The following ZNF419 variants were observed in gnomAD, a reference collection of about 807,000 sequenced individuals.
The protein encoded by ZNF419 is zinc finger protein 419A.
In ZNF419, 8 loss-of-function variants were observed where a neutral mutation model predicts 14.9. The ratio of observed to expected loss-of-function variants is 0.54; its 90% CI spans 0.32 to 0.97. The LOEUF (loss-of-function observed/expected upper bound fraction) is 0.97. Ranked by LOEUF, ZNF419 falls within the 50% of genes least tolerant of loss-of-function variation. ZNF419 has a pLI of 0.04. For synonymous variants in ZNF419, 211 were observed against 205.3 expected, an observed-to-expected ratio of 1.03 and a Z score of -0.24; for missense variants, 595 against 607.2, an observed-to-expected ratio of 0.98 and a Z score of 0.21.
At chr19:57,491,987 A>T (rs1419540124) in intron 3 of ZNF419, 126 bp from the exon 4 acceptor site, 1 of 747,116 alleles carries the variant, frequency 1.3e-6, no homozygotes, top group South Asian at 1.7e-5. Context: ...TTGCTGTTTG[A>T]CTGTGTTGTT....
In ZNF419 at chr19:57,494,019, T is replaced by C. The variant is rs377064712; in HGVS notation, c.1462T>C (p.Cys488Arg). Residue 488 changes from cysteine to arginine, a missense_variant, in exon 5 of 5, where the codon TGT becomes CGT. Physicochemically the swap from Cys to Arg is radical, Grantham distance 180. Coordinates refer to ENST00000221735, the MANE Select transcript of ZNF419 (RefSeq NM_024691.4). Reference sequence around the variant, plus strand: ...AGCAAAGCCTTATGAGTGCAGGGAATGTGGGAAGTTTTTTCGCCACAACTC... The same window carrying C: ...AGCAAAGCCTTATGAGTGCAGGGAACGTGGGAAGTTTTTTCGCCACAACTC... Reference protein sequence around the residue: ...TGAKPYECRECGKFFRHNSSL... With the variant: ...TGAKPYECRERGKFFRHNSSL... 4.5e-5 allele frequency: 73 copies of C among 1,613,426 alleles called. No individual in the cohort carries two copies. In the Middle Eastern group the frequency reaches 1.5e-3, roughly 33 times the overall value.
intron 1 of ZNF419, chr19:57,489,925 T>C (rs140919235): frequency 0.02 from 10,956 of 558,770 alleles, 164 homozygotes; most frequent in Non-Finnish European, 0.028. Context: ...AATCGTCCTA[T>C]TGAGTAAATA....
rs2089447470 is a variant in ZNF419 at position 57,490,042 on chromosome 19, A to G, written c.34-105A>G. On this transcript the variant is annotated intron_variant, in intron 1 of 4. Coordinates refer to ENST00000221735, the MANE Select transcript of ZNF419 (RefSeq NM_024691.4). ...GAGGCATCACTAAGAACCAAAGCCC[A>G]GATTGTAGATAGTCAGGCACACCTG... 5 of 1,061,522 alleles carry G rather than the reference A, an allele frequency of 4.7e-6. No individual in the cohort carries two copies. In the East Asian group the frequency reaches 1.2e-4, roughly 27 times the overall value. The allele number at this position is 1,061,522 out of a possible 1,614,324, so 65.8% of individuals were successfully genotyped here.
At chr19:57,489,308 CAG>C (rs1158071552) in intron 1 of ZNF419, 2 of 152,138 alleles carry the variant, frequency 1.3e-5, no homozygotes, top group African/African-American at 4.8e-5. Flanking sequence ...CATATACACA[CAG>C]GGGCAAATAA....
chr19:57,492,496 AT>A (rs2089512546), intron 4 of ZNF419: 2 of 764,258 alleles, frequency 2.6e-6, no homozygotes, highest in East Asian at 4.9e-5. Flanking sequence ...AGCATCAGCT[AT>A]TTGGTTGCAG....
rs144372349 is a variant in ZNF419, at chr19:57,488,834, G to T, written c.33+851G>T. The stretch of plus-strand genomic sequence containing the variant: ...AATCTTAAGGTTCCCTTTCAGATGG[G>T]CCCTAAGGTGAGAGAAGGGAGAGAT... On this transcript the variant is annotated intron_variant, in intron 1 of 4. Coordinates refer to ENST00000221735, the MANE Select transcript of ZNF419 (RefSeq NM_024691.4). 6.1e-3 allele frequency: 924 copies of T among 152,398 alleles called. 2 individuals carry two copies. The highest frequency in any genetic ancestry group is 0.01 in the Non-Finnish European group (696 of 68,134). 9.4% of individuals were successfully genotyped at this position (152,398 alleles called of 1,614,324 possible).
chr19:57,491,475 A>C lies in ZNF419; in HGVS notation c.77A>C (p.Tyr26Ser). 1 of 1,614,124 alleles carries C rather than the reference A, an allele frequency of 6.2e-7. No individual in the cohort carries two copies. Among genetic ancestry groups the C allele is most frequent in the Non-Finnish European group, 8.5e-7 (1 of 1,180,026 alleles). The change falls in exon 3 of 5, where the codon TAT becomes TCT. Residue 26 changes from tyrosine to serine, a missense_variant. Coordinates refer to ENST00000221735, the MANE Select transcript of ZNF419 (RefSeq NM_024691.4). Reference protein sequence around the residue: ...ADLLTDHEEGYVTFEDVAVYF... With the variant: ...ADLLTDHEEGSVTFEDVAVYF... ...CTACTCTGTCCATCTTAGCAGGGCT[A>C]TGTGACCTTTGAGGATGTGGCTGTC...
At position 57,494,073 on chromosome 19, in the gene ZNF419, A is replaced by G. The variant is rs1025708110; in HGVS notation, c.1516A>G (p.Thr506Ala). 1.2e-6 allele frequency: 2 copies of G among 1,605,808 alleles called. No homozygotes were observed. The highest frequency in any genetic ancestry group is 1.7e-6 in the Non-Finnish European group (2 of 1,176,366). ...SSLFKHRRIH[T>A]GEMQ ...TCTTTTTAAACATCGAAGGATTCACACTGGAGAAATGCAGTGATTGTGTGA... is the reference window on the plus strand; with the variant it reads ...TCTTTTTAAACATCGAAGGATTCACGCTGGAGAAATGCAGTGATTGTGTGA... The change falls in exon 5 of 5, where the codon ACT (threonine) becomes GCT (alanine). Residue 506 changes from threonine (T) to alanine (A), a missense_variant. Thr to Ala is a moderately conservative substitution (Grantham distance 58, BLOSUM62 0). Transcript: ENST00000221735.
chr19:57,487,980 T>C lies in ZNF419; in HGVS notation c.30T>C (p.Ala10=), dbSNP rs1035427752. Residue 10 remains alanine (A), a synonymous_variant, in exon 1 of 5, where the codon GCT becomes GCC. Coordinates refer to ENST00000221735, the MANE Select transcript of ZNF419 (RefSeq NM_024691.4). ...CGGCGGCCGCCCTGAGGGACCCCGC[T>C]CAGGTGAGCGCCGCGTCCTCCTGGC... MAAAALRDP[A]QVPVAADLLT... is the part of the protein sequence containing the mutation. 34 of 1,613,516 alleles carry C rather than the reference T, an allele frequency of 2.1e-5. No individual in the cohort carries two copies. Among genetic ancestry groups the C allele is most frequent in the Non-Finnish European group, 2.7e-5 (32 of 1,179,900 alleles).
Position 57,493,980 on chromosome 19 carries a change from A to G in ZNF419, c.1423A>G (p.Arg475Gly), listed in dbSNP as rs1489177092. The change falls in exon 5 of 5, where the codon AGG becomes GGG. Residue 475 changes from arginine to glycine, a missense_variant. Transcript: ENST00000221735. ...RENSSLVKHQRVHTGAKPYEC... is the reference protein window; with the variant it reads ...RENSSLVKHQGVHTGAKPYEC... ...GAATTCCAGCCTTGTTAAACATCAG[A>G]GGGTTCACACTGGAGCAAAGCCTTA... 6.2e-7 allele frequency: 1 copy of G among 1,614,244 alleles called. No individual in the cohort carries two copies.
chr19:57,493,984 T>G lies in ZNF419; in HGVS notation c.1427T>G (p.Val476Gly). 1 of 1,614,202 alleles carries G rather than the reference T, an allele frequency of 6.2e-7. No individual in the cohort carries two copies. The highest frequency in any genetic ancestry group is 8.5e-7 in the Non-Finnish European group (1 of 1,180,034). Residue 476 changes from valine to glycine, a missense_variant, in exon 5 of 5, where the codon GTT becomes GGT. Physicochemically the swap from Val to Gly is moderately radical, Grantham distance 109. Coordinates refer to ENST00000221735, the MANE Select transcript of ZNF419 (RefSeq NM_024691.4). ...TCCAGCCTTGTTAAACATCAGAGGGTTCACACTGGAGCAAAGCCTTATGAG... is the reference window on the plus strand; with the variant it reads ...TCCAGCCTTGTTAAACATCAGAGGGGTCACACTGGAGCAAAGCCTTATGAG... ...ENSSLVKHQRVHTGAKPYECR... is the reference protein window; with the variant it reads ...ENSSLVKHQRGHTGAKPYECR...
At position 57,487,970 on chromosome 19, in the gene ZNF419, G is replaced by A; in HGVS notation, c.20G>A (p.Arg7Lys). 1 of 1,613,772 alleles carries A rather than the reference G, an allele frequency of 6.2e-7. No individual in the cohort carries two copies. Among genetic ancestry groups the A allele is most frequent in the Non-Finnish European group, 8.5e-7 (1 of 1,179,928 alleles). Residue 7 changes from arginine (R) to lysine (K), a missense_variant, in exon 1 of 5, where the codon AGG becomes AAG. By Grantham distance (26) the Arg-to-Lys change is conservative. Coordinates refer to ENST00000221735, the MANE Select transcript of ZNF419 (RefSeq NM_024691.4). MAAAAL[R>K]DPAQVPVAAD... is the part of the protein sequence containing the mutation. ...GCTCCGATGGCGGCGGCCGCCCTGA[G>A]GGACCCCGCTCAGGTGAGCGCCGCG...
At position 57,493,194 on chromosome 19, in the gene ZNF419, G is replaced by A; in HGVS notation, c.637G>A (p.Gly213Ser). 6.2e-7 allele frequency: 1 copy of A among 1,614,182 alleles called. No individual in the cohort carries two copies. Among genetic ancestry groups the A allele is most frequent in the Non-Finnish European group, 8.5e-7 (1 of 1,180,012 alleles). Residue 213 changes from glycine (G) to serine (S), a missense_variant, in exon 5 of 5, where the codon GGT becomes AGT. Gly to Ser is a moderately conservative substitution (Grantham distance 56). Transcript: ENST00000221735. Reference sequence around the variant, plus strand: ...ATGCAGTGAATGTGGGAAAGCCTTTGGTCAGAAATATTTACTTGTTCAGCA... The same window carrying A: ...ATGCAGTGAATGTGGGAAAGCCTTTAGTCAGAAATATTTACTTGTTCAGCA... ...YKCSECGKAF[G>S]QKYLLVQHQR... is the part of the protein sequence containing the mutation.
Position 57,493,124 on chromosome 19 carries a change from C to T in ZNF419, c.567C>T (p.Ser189=), listed in dbSNP as rs370782743. The T allele has an allele frequency of 3.7e-6, 6 of 1,614,048 alleles. No individual in the cohort carries two copies. The African/African-American group carries it at 6.7e-5, about 18-fold the overall frequency. The change falls in exon 5 of 5, where the codon AGC becomes AGT. Residue 189 remains serine, a synonymous_variant. Coordinates refer to ENST00000221735, the MANE Select transcript of ZNF419 (RefSeq NM_024691.4). ...VTHTGEKSHR[S]SKSREAFHAG... is the part of the protein sequence containing the mutation. ...ACACAGGAGAGAAGTCACATAGGAG[C>T]TCCAAAAGTAGGGAGGCCTTTCATG...
chr19:57,494,325 G>C lies in ZNF419; in HGVS notation c.*235G>C. 1.8e-6 allele frequency: 1 copy of C among 544,852 alleles called. No homozygotes were observed. Among genetic ancestry groups the C allele is most frequent in the East Asian group, 3.2e-5 (1 of 31,454 alleles). The allele number at this position is 544,852 out of a possible 1,614,324, so 33.8% of individuals were successfully genotyped here. On this transcript the variant is annotated 3_prime_UTR_variant, in exon 5 of 5. Transcript: ENST00000221735. Reference sequence around the variant, plus strand: ...CTGGAGAAAGGCCTTAGGGTGACAGGTTATGTACTGTCTCTGAATCAATAT... The same window carrying C: ...CTGGAGAAAGGCCTTAGGGTGACAGCTTATGTACTGTCTCTGAATCAATAT...
chr19:57,495,725 C>CAAAAAAAAAAAAA lies in ZNF419; in HGVS notation c.*1667_*1679dup, dbSNP rs532907966. ...TGGGGCACAAAGCCAGACTCTGTCT[C>CAAAAAAAAAAAAA]AAAAAAAAAAAAAAAAAAAAAAAAA... is the stretch of plus-strand genomic sequence containing the variant. On this transcript the variant is annotated 3_prime_UTR_variant, in exon 5 of 5. Transcript: ENST00000221735. The CAAAAAAAAAAAAA allele has an allele frequency of 4.1e-5, 2 of 49,158 alleles. No individual in the cohort carries two copies. The highest frequency in any genetic ancestry group is 8.7e-5 in the African/African-American group (1 of 11,546). 3.0% of individuals were successfully genotyped at this position (49,158 alleles called of 1,614,324 possible). A position where few individuals can be genotyped will look rare whatever the true frequency, so the allele number is the denominator to read the frequency against.
rs777263859 is a variant in ZNF419, at chr19:57,493,889, A to G, written c.1332A>G (p.Gln444=). Residue 444 remains glutamine (Q), a synonymous_variant, in exon 5 of 5, where the codon CAA becomes CAG. Coordinates refer to ENST00000221735, the MANE Select transcript of ZNF419 (RefSeq NM_024691.4). ...TTAGCCAAAGCTCAACCCTCATGCA[A>G]CATCGAAAAGTTCACATTGGAGAAA... ...KFFSQSSTLM[Q]HRKVHIGEKP... The G allele has an allele frequency of 1.9e-6, 3 of 1,614,056 alleles. No homozygotes were observed. The highest frequency in any genetic ancestry group is 2.5e-6 in the Non-Finnish European group (3 of 1,179,978).
Position 57,491,563 on chromosome 19 carries a change from G to A in ZNF419, c.165G>A (p.Val55=). 6.2e-7 allele frequency: 1 copy of A among 1,614,112 alleles called. No homozygotes were observed. The change falls in exon 3 of 5, where the codon GTG becomes GTA. Residue 55 remains valine (V), a synonymous_variant. Transcript: ENST00000221735. ...CTCAGAGGCTCCTCTACCGCAATGT[G>A]ATGCTGGAGAACTTTACACTTCTGG... ...DDAQRLLYRN[V]MLENFTLLAS... is the part of the protein sequence containing the mutation.
Position 57,493,358 on chromosome 19 carries a change from C to T in ZNF419, c.801C>T (p.Ser267=), listed in dbSNP as rs1328617801. ...RPYGCSNCGK[S]FSRNAHLIEH... is the part of the protein sequence containing the mutation. ...ACGGGTGTAGTAACTGTGGAAAATC[C>T]TTTAGCCGTAATGCTCACCTCATTG... The change falls in exon 5 of 5, where the codon TCC becomes TCT. Residue 267 remains serine, a synonymous_variant. Transcript: ENST00000221735. 2.5e-6 allele frequency: 4 copies of T among 1,613,838 alleles called. No homozygotes were observed. Among genetic ancestry groups the T allele is most frequent in the Non-Finnish European group, 3.4e-6 (4 of 1,179,990 alleles).
Sources: gnomAD v4.1 joint callset for allele counts on GRCh38, gnomAD v4.1.1 for gene constraint, MANE v1.5 for transcripts, NCBI Gene and HGNC (gene_info 2026-07-23, HGNC 2026-07-21) for gene names.